Variants in CDK8 observed in about 807,000 individuals in gnomAD.
CDK8 encodes the protein cyclin-dependent kinase 8.
In CDK8, 29 loss-of-function variants were observed where a neutral mutation model predicts 71.5. The observed-to-expected ratio is 0.41, with a 90% CI of 0.30 to 0.55. The LOEUF (loss-of-function observed/expected upper bound fraction) is 0.55. CDK8 is among the 20% of genes least tolerant of loss of function. The pLI, the probability that CDK8 is intolerant of heterozygous loss-of-function variation, is 0.37. For missense variants in CDK8, 288 were observed against 572.6 expected, an observed-to-expected ratio of 0.50 and a Z score of 5.07; for synonymous variants, 161 against 192.1, an observed-to-expected ratio of 0.84 and a Z score of 1.34.
intron 1 of CDK8, among the ~76,000 whole-genome samples, chr13:26,294,364 T>C (rs1172041076): frequency 6.6e-6 from 1 of 152,188 alleles, no homozygotes; most frequent in Non-Finnish European, 1.5e-5. Flanking sequence ...TCTTGGCTAT[T>C]GTGAATAATG....
chr13:26,361,400 G>A (rs745976554), intron 4 of CDK8, among the ~76,000 whole-genome samples: 1 of 152,104 alleles, frequency 6.6e-6, no homozygotes, highest in Non-Finnish European at 1.5e-5. Context: ...TGAAAATATT[G>A]TAAGTCTAAA....
chr13:26,380,149 TG>T (rs1420918240), intron 4 of CDK8, among the ~76,000 whole-genome samples: 1 of 151,778 alleles, frequency 6.6e-6, no homozygotes, highest in Non-Finnish European at 1.5e-5. Flanking sequence ...TATGTAGGAG[TG>T]GGGGAGGACC....
chr13:26,276,390 G>C (rs948426059), intron 1 of CDK8, among the ~76,000 whole-genome samples: 3 of 152,104 alleles, frequency 2.0e-5, no homozygotes, highest in Non-Finnish European at 2.9e-5. Flanking sequence ...TCTTATATGT[G>C]ATTTATGAGC....
At chr13:26,402,827 C>T (rs1056263734) in intron 12 of CDK8, among the ~76,000 whole-genome samples, 5 of 152,172 alleles carry the variant, frequency 3.3e-5, no homozygotes, top group African/African-American at 4.8e-5. Context: ...AAAATGATGC[C>T]ATGCTGCTTT....
chr13:26,375,294 T>A (rs1874893811), intron 4 of CDK8, among the ~76,000 whole-genome samples: 1 of 152,218 alleles, frequency 6.6e-6, no homozygotes, highest in African/African-American at 2.4e-5. Context: ...GTGTATTACC[T>A]TTGAAGCTTA....
chr13:26,304,755 G>A (rs550634950), intron 1 of CDK8, among the ~76,000 whole-genome samples: 45 of 152,106 alleles, frequency 3.0e-4, no homozygotes, highest in African/African-American at 1.1e-3. Flanking sequence ...TCCTGCCTCA[G>A]CCTCCCAAGT....
chr13:26,293,411 T>G (rs963330180), intron 1 of CDK8, among the ~76,000 whole-genome samples: 5 of 152,080 alleles, frequency 3.3e-5, no homozygotes, highest in Non-Finnish European at 7.4e-5. Context: ...ATGACCAGCC[T>G]GGGCAACACA....
intron 2 of CDK8, among the ~76,000 whole-genome samples, chr13:26,348,294 G>T (rs1178062680): frequency 6.6e-6 from 1 of 152,094 alleles, no homozygotes; most frequent in South Asian, 2.1e-4. Context: ...GGATTATTGT[G>T]TAACGCAGGG....
At chr13:26,390,603 C>G (rs912056448) in intron 6 of CDK8, among the ~76,000 whole-genome samples, 1 of 152,132 alleles carries the variant, frequency 6.6e-6, no homozygotes, top group Non-Finnish European at 1.5e-5. Context: ...TAAAGTAGTC[C>G]TAAAAGTCTT....
At chr13:26,345,429 T>C (rs565878117) in intron 2 of CDK8, among the ~76,000 whole-genome samples, 3 of 152,182 alleles carry the variant, frequency 2.0e-5, no homozygotes, top group Non-Finnish European at 4.4e-5. Context: ...TCACCCAGGC[T>C]AGAGTGCCTT....
intron 10 of CDK8, among the ~76,000 whole-genome samples, chr13:26,400,803 A>C (rs147617898): frequency 7.6e-4 from 115 of 152,220 alleles, no homozygotes; most frequent in African/African-American, 1.9e-3. Flanking sequence ...ATTCAGTGAC[A>C]GGTTGGTTAT....
intron 4 of CDK8, chr13:26,359,675 A>G: frequency 2.5e-6 from 1 of 399,082 alleles, no homozygotes; most frequent in South Asian, 1.9e-5. Context: ...GAGAGCATCT[A>G]GACAACTTCA....
chr13:26,338,053 C>T (rs1873067255), intron 2 of CDK8, among the ~76,000 whole-genome samples: 1 of 151,946 alleles, frequency 6.6e-6, no homozygotes, highest in African/African-American at 2.4e-5. Context: ...TGTATCTGTT[C>T]ATTTGAGTAT....
chr13:26,264,673 C>A (rs1871943717), intron 1 of CDK8, among the ~76,000 whole-genome samples: 1 of 152,126 alleles, frequency 6.6e-6, no homozygotes, highest in South Asian at 2.1e-4. Flanking sequence ...GAATTTATTT[C>A]TATTACGTTA....
Position 26,343,927 on chromosome 13 carries a change from A to C in CDK8, c.205-5145A>C, listed in dbSNP as rs539312920. On this transcript the variant is annotated intron_variant, in intron 2 of 12. Transcript: ENST00000381527. ...TTTTCAACTTTTAGGTTCAGGGGGC[A>C]CATGTGTAGGTTTGTTACATGGGTA... 4.6e-5 allele frequency among the ~76,000 whole-genome samples: 7 copies of C among 152,140 alleles called. No homozygotes were observed. In the South Asian group the frequency reaches 1.2e-3, roughly 27 times the overall value.
At chr13:26,302,569 C>CT (rs972027103) in intron 1 of CDK8, among the ~76,000 whole-genome samples, 7 of 152,098 alleles carry the variant, frequency 4.6e-5, no homozygotes, top group African/African-American at 1.7e-4. Context: ...TTTTTTGCAG[C>CT]TTTGTCTTTC....
chr13:26,281,918 A>C (rs1401942409), intron 1 of CDK8, among the ~76,000 whole-genome samples: 1 of 152,098 alleles, frequency 6.6e-6, no homozygotes. Flanking sequence ...AGAGAAATGC[A>C]GTATGCACTG....
At chr13:26,398,862 G>A (rs1337405617) in intron 9 of CDK8, among the ~76,000 whole-genome samples, 1 of 151,426 alleles carries the variant, frequency 6.6e-6, no homozygotes, top group Non-Finnish European at 1.5e-5. Flanking sequence ...TACTCGGGAG[G>A]TTGAGGCAGG....
intron 1 of CDK8, among the ~76,000 whole-genome samples, chr13:26,309,087 T>G (rs1407554691): frequency 7.9e-5 from 12 of 152,178 alleles, no homozygotes; most frequent in Admixed American, 7.9e-4. Flanking sequence ...TAGTATTTAG[T>G]AAACACCTCC....
Sources: allele counts gnomAD v4.1 joint callset (sites outside exome capture counted in the v4.1 genomes callset), GRCh38; gene constraint gnomAD v4.1.1; transcripts MANE v1.5; gene names NCBI Gene and HGNC (gene_info 2026-07-23, HGNC 2026-07-21).